CLDN20: variants seen among roughly 807,000 people sequenced by gnomAD.
The protein encoded by CLDN20 is claudin-20.
For missense variants in CLDN20, 258 were observed against 267.9 expected (o/e 0.96, Z 0.26); for synonymous variants, 104 against 103.6 (o/e 1.00, Z -0.03).
chr6:155,268,968 G>A (rs9478631), intron 1 of CLDN20, among the ~76,000 whole-genome samples: 347 of 94,072 alleles, frequency 3.7e-3, no homozygotes, highest in Middle Eastern at 0.01. Context: ...AAAGAAAAAA[G>A]AAAAAAAATT....
chr6:155,266,171 C>G (rs927585706), intron 1 of CLDN20, among the ~76,000 whole-genome samples: 1 of 152,110 alleles, frequency 6.6e-6, no homozygotes, highest in Non-Finnish European at 1.5e-5. Context: ...AGTTGACACT[C>G]AGTGTTAACC....
chr6:155,270,932 A>G (rs2114698384), intron 1 of CLDN20, among the ~76,000 whole-genome samples: 1 of 152,146 alleles, frequency 6.6e-6, no homozygotes, highest in Admixed American at 6.5e-5. Flanking sequence ...CAAAGAACAA[A>G]GCCAGTACAC....
rs900571916 is a variant in CLDN20 at position 155,269,768 on chromosome 6, A to G, written c.-105+5480A>G. On this transcript the variant is annotated intron_variant, in intron 1 of 1. Transcript: ENST00000367165. ...AGCAAGATGACAAACTAGAGTTCCA[A>G]AATTACTTAAAATTCTAGTCCTGCT... Among the ~76,000 whole-genome samples the G allele has an allele frequency of 6.6e-5, 10 of 152,264 alleles. No individual in the cohort carries two copies. In the East Asian group the frequency reaches 1.5e-3, roughly 23 times the overall value.
rs143560527 is a variant in CLDN20 at position 155,276,154 on chromosome 6, A to C, written c.435A>C (p.Ala145=). The C allele has an allele frequency of 6.8e-5, 110 of 1,614,194 alleles. No homozygotes were observed. In the African/African-American group the frequency reaches 1.4e-3, roughly 21 times the overall value. Reference sequence around the variant, plus strand: ...TGTGGTACACAAAGGAGATCATAGCAAACTTTCTGGATCTGACAGTTCCAG... The same window carrying C: ...TGTGGTACACAAAGGAGATCATAGCCAACTTTCTGGATCTGACAGTTCCAG... The part of the protein sequence containing the change: ...STVWYTKEII[A]NFLDLTVPES... The change falls in exon 2 of 2, where the codon GCA becomes GCC. Residue 145 remains alanine, a synonymous_variant. Coordinates refer to ENST00000367165, the MANE Select transcript of CLDN20 (RefSeq NM_001001346.3).
chr6:155,275,347 G>A (rs547299290), intron 1 of CLDN20, among the ~76,000 whole-genome samples: 147 of 152,268 alleles, frequency 9.7e-4, no homozygotes, highest in Non-Finnish European at 8.5e-4. Flanking sequence ...ACATGTCCAC[G>A]CTACAGTTTC....
chr6:155,273,400 G>C (rs1785031761), intron 1 of CLDN20, among the ~76,000 whole-genome samples: 1 of 152,206 alleles, frequency 6.6e-6, no homozygotes, highest in Non-Finnish European at 1.5e-5. Context: ...TAATGTCTTA[G>C]AGAATCAATG....
chr6:155,267,888 C>T (rs577334488), intron 1 of CLDN20, among the ~76,000 whole-genome samples: 1 of 152,192 alleles, frequency 6.6e-6, no homozygotes, highest in Admixed American at 6.5e-5. Flanking sequence ...TTGAACAGTA[C>T]TGACTTTCAA....
rs774848872 is a variant in CLDN20, at chr6:155,276,045, G to A, written c.326G>A (p.Gly109Glu). 2.5e-6 allele frequency: 4 copies of A among 1,614,152 alleles called. No homozygotes were observed. The highest frequency in any genetic ancestry group is 2.2e-5 in the East Asian group (1 of 44,874). ...GGAATGAAATGTACTCGCTTAGGAGGGGACAGAGAAACCAAGAGCCATGCT... is the reference window on the plus strand; with the variant it reads ...GGAATGAAATGTACTCGCTTAGGAGAGGACAGAGAAACCAAGAGCCATGCT... ...TVGMKCTRLG[G>E]DRETKSHASF... Residue 109 changes from glycine to glutamate, a missense_variant, in exon 2 of 2, where the codon GGG (glycine) becomes GAG (glutamate). Gly to Glu is a moderately conservative substitution (Grantham distance 98, BLOSUM62 -2). Transcript: ENST00000367165.
At chr6:155,271,581 T>C (rs1307916373) in intron 1 of CLDN20, among the ~76,000 whole-genome samples, 1 of 152,180 alleles carries the variant, frequency 6.6e-6, no homozygotes, top group African/African-American at 2.4e-5. Context: ...TTCTTCTGAA[T>C]GATTATTTTG....
intron 1 of CLDN20, among the ~76,000 whole-genome samples, chr6:155,267,593 A>G (rs1183711766): frequency 6.6e-6 from 1 of 152,210 alleles, no homozygotes; most frequent in Non-Finnish European, 1.5e-5. Flanking sequence ...GAGTCACAGT[A>G]GGTGGTCCCA....
intron 1 of CLDN20, among the ~76,000 whole-genome samples, chr6:155,271,265 A>G (rs1045907556): frequency 2.3e-4 from 35 of 152,356 alleles, no homozygotes; most frequent in African/African-American, 8.4e-4. Flanking sequence ...CTGAGGAAGA[A>G]AAAAATGAGA....
chr6:155,274,389 T>C (rs1785074368), intron 1 of CLDN20, among the ~76,000 whole-genome samples: 1 of 152,186 alleles, frequency 6.6e-6, no homozygotes, highest in Admixed American at 6.5e-5. Context: ...AGCCACAAAG[T>C]AGGTGGTCTT....
chr6:155,275,387 G>C (rs1208347402), intron 1 of CLDN20, among the ~76,000 whole-genome samples: 1 of 152,132 alleles, frequency 6.6e-6, no homozygotes, highest in Non-Finnish European at 1.5e-5. Flanking sequence ...AAAGAATTAA[G>C]TGGGCAACTG....
intron 1 of CLDN20, among the ~76,000 whole-genome samples, chr6:155,274,786 C>A (rs1472537074): frequency 2.0e-5 from 3 of 152,234 alleles, no homozygotes; most frequent in African/African-American, 4.8e-5. Context: ...ATGTGCCTGG[C>A]ACTGTGGGTG....
chr6:155,272,113 G>C (rs1015566868), intron 1 of CLDN20, among the ~76,000 whole-genome samples: 10 of 152,050 alleles, frequency 6.6e-5, no homozygotes, highest in African/African-American at 2.2e-4. Context: ...TCACGTATAT[G>C]GTTTTTCTTC....
At chr6:155,275,212 T>C (rs9371879) in intron 1 of CLDN20, among the ~76,000 whole-genome samples, 98,535 of 151,898 alleles carry the variant, frequency 0.65, 32,652 homozygotes, top group East Asian at 0.98. Context: ...GGTGACAGAG[T>C]GAGACTCCAT....
At chr6:155,266,446 G>C (rs186386897) in intron 1 of CLDN20, among the ~76,000 whole-genome samples, 182 of 152,232 alleles carry the variant, frequency 1.2e-3, no homozygotes, top group Non-Finnish European at 3.4e-4. Flanking sequence ...AGTGCAGCTA[G>C]AGCCCTGTGA....
chr6:155,269,589 T>A (rs1176482987), intron 1 of CLDN20, among the ~76,000 whole-genome samples: 1 of 152,162 alleles, frequency 6.6e-6, no homozygotes, highest in Non-Finnish European at 1.5e-5. Flanking sequence ...CCCAAAGTGT[T>A]GGGATTACAG....
chr6:155,276,127 A>G lies in CLDN20; in HGVS notation c.408A>G (p.Thr136=). The change falls in exon 2 of 2, where the codon ACA becomes ACG. Residue 136 remains threonine (T), a synonymous_variant. Coordinates refer to ENST00000367165, the MANE Select transcript of CLDN20 (RefSeq NM_001001346.3). ...CAGGAATCTCTAGTTTAATCTCGAC[A>G]GTGTGGTACACAAAGGAGATCATAG... is the stretch of plus-strand genomic sequence containing the variant. ...MSAGISSLIS[T]VWYTKEIIAN... is the part of the protein sequence containing the mutation. 2 of 1,614,212 alleles carry G rather than the reference A, an allele frequency of 1.2e-6. No individual in the cohort carries two copies. The highest frequency in any genetic ancestry group is 1.7e-6 in the Non-Finnish European group (2 of 1,180,040).
Sources: gnomAD v4.1 joint callset for allele counts (sites outside exome capture counted in the v4.1 genomes callset) on GRCh38, gnomAD v4.1.1 for gene constraint, MANE v1.5 for transcripts, NCBI Gene and HGNC (gene_info 2026-07-23, HGNC 2026-07-21) for gene names.